SHC3: variants seen among roughly 807,000 people sequenced by gnomAD.
SHC3 encodes SHC-transforming protein 3.
Under a neutral mutation model 60.4 loss-of-function variants are expected in SHC3, and 15 were observed. That is an observed-to-expected ratio of 0.25 (90% confidence interval 0.17 to 0.38). The LOEUF (loss-of-function observed/expected upper bound fraction) is 0.38, where lower values mean the gene tolerates loss of function less well. Among genes scored for constraint, SHC3 ranks in the 10% least tolerant of loss-of-function variants. The probability of loss-of-function intolerance (pLI) is 1.00; values close to 1 mark genes in which losing one functional copy is unlikely to be tolerated. For missense variants in SHC3, 677 were observed against 786.1 expected (o/e 0.86, Z 1.66); for synonymous variants, 294 against 325.9 (o/e 0.90, Z 1.05).
intron 1 of SHC3, among the ~76,000 whole-genome samples, chr9:89,142,012 G>A (rs542876118): frequency 7.9e-5 from 12 of 152,008 alleles, no homozygotes; most frequent in Admixed American, 5.9e-4. Context: ...TCCCCTTTAG[G>A]GAGAAAAAAG....
chr9:89,096,346 G>A (rs1192209065), intron 2 of SHC3, among the ~76,000 whole-genome samples: 1 of 152,150 alleles, frequency 6.6e-6, no homozygotes, highest in Non-Finnish European at 1.5e-5. Context: ...GGAGATCTGT[G>A]CTTTGACTCA....
chr9:89,063,242 G>A (rs9410308), intron 6 of SHC3, among the ~76,000 whole-genome samples: 67,474 of 151,944 alleles, frequency 0.44, 16,853 homozygotes, highest in East Asian at 0.98. Flanking sequence ...CGATTCTTCT[G>A]CCTCAGCCTC....
At chr9:89,060,694 A>G (rs1461172738) in intron 6 of SHC3, among the ~76,000 whole-genome samples, 1 of 152,030 alleles carries the variant, frequency 6.6e-6, no homozygotes, top group Non-Finnish European at 1.5e-5. Flanking sequence ...GAGTGAGCAG[A>G]GAAGGAACAA....
At chr9:89,170,689 GGCCCTCC>G (rs1335116222) in intron 1 of SHC3, among the ~76,000 whole-genome samples, 2 of 151,870 alleles carry the variant, frequency 1.3e-5, no homozygotes, top group Non-Finnish European at 2.9e-5. Context: ...GAATACAGTT[GGCCCTCC>G]AAATTCATGA....
chr9:89,162,640 C>A (rs1454928848), intron 1 of SHC3, among the ~76,000 whole-genome samples: 1 of 151,320 alleles, frequency 6.6e-6, no homozygotes, highest in Non-Finnish European at 1.5e-5. Flanking sequence ...CATAAAAACC[C>A]TAGAAGAAAA....
In SHC3 at chr9:89,011,568, C is replaced by T. The variant is rs1374784306; in HGVS notation, c.*1879G>A. 1 of 152,274 alleles carries T rather than the reference C, an allele frequency of 6.6e-6. No individual in the cohort carries two copies. The highest frequency in any genetic ancestry group is 2.4e-5 in the African/African-American group (1 of 41,468). 9.4% of individuals were successfully genotyped at this position (152,274 alleles called of 1,614,324 possible). A position where few individuals can be genotyped will look rare whatever the true frequency, so the allele number is the denominator to read the frequency against. ...CAGATGTGCAGGGCAGCTCTCAGAGCACCCAAGTCTATGCTGTCTTGGGGC... is the reference window on the plus strand; with the variant it reads ...CAGATGTGCAGGGCAGCTCTCAGAGTACCCAAGTCTATGCTGTCTTGGGGC... On this transcript the variant is annotated 3_prime_UTR_variant, in exon 12 of 12. Transcript: ENST00000375835.
intron 11 of SHC3, among the ~76,000 whole-genome samples, chr9:89,030,981 G>T (rs530720057): frequency 1.1e-3 from 165 of 152,110 alleles, no homozygotes; most frequent in African/African-American, 3.7e-3. Context: ...TATGATCATA[G>T]CTCACTACAG....
Position 89,159,194 on chromosome 9 carries a change from G to A in SHC3, c.474+18793C>T, listed in dbSNP as rs147406168. Among the ~76,000 whole-genome samples, 443 of 152,258 alleles carry A rather than the reference G, an allele frequency of 2.9e-3. 4 individuals carry two copies. The highest frequency in any genetic ancestry group is 9.4e-3 in the African/African-American group (389 of 41,544). On this transcript the variant is annotated intron_variant, in intron 1 of 11. Coordinates refer to ENST00000375835, the MANE Select transcript of SHC3 (RefSeq NM_016848.6). ...TAGACAAAGATTAAATTATCTCTTA[G>A]TCATGTAGGCACATGAACTAAAGAC...
chr9:89,034,993 C>T (rs1189399603), intron 11 of SHC3, among the ~76,000 whole-genome samples: 1 of 152,168 alleles, frequency 6.6e-6, no homozygotes, highest in Non-Finnish European at 1.5e-5. Flanking sequence ...AGAACATGTT[C>T]CATATAAATG....
At chr9:89,082,349 T>A (rs1264602204) in intron 2 of SHC3, among the ~76,000 whole-genome samples, 1 of 152,178 alleles carries the variant, frequency 6.6e-6, no homozygotes, top group Non-Finnish European at 1.5e-5. Context: ...AGCAGAAAGC[T>A]GACTGGGCCA....
At chr9:89,172,375 G>A (rs1826881511) in intron 1 of SHC3, among the ~76,000 whole-genome samples, 1 of 152,170 alleles carries the variant, frequency 6.6e-6, no homozygotes, top group African/African-American at 2.4e-5. Flanking sequence ...GTTGGGAGGG[G>A]AGAGGCAAAA....
At chr9:89,051,585 C>T (rs1243198845) in intron 7 of SHC3, among the ~76,000 whole-genome samples, 2 of 152,344 alleles carry the variant, frequency 1.3e-5, no homozygotes, top group East Asian at 3.9e-4. Context: ...CTGCAAAGGC[C>T]AGCGAAGCCG....
intron 2 of SHC3, among the ~76,000 whole-genome samples, chr9:89,086,243 T>C (rs1825528016): frequency 6.6e-6 from 1 of 152,202 alleles, no homozygotes; most frequent in Admixed American, 6.5e-5. Context: ...CCCAAGACTG[T>C]GCCCCACTTC....
chr9:89,178,349 G>T lies in SHC3; in HGVS notation c.112C>A (p.Arg38Ser), dbSNP rs1196776826. Residue 38 changes from arginine (R) to serine (S), a missense_variant, in exon 1 of 12, where the codon CGC becomes AGC. Arg to Ser is a moderately radical substitution (Grantham distance 110, BLOSUM62 -1). Coordinates refer to ENST00000375835, the MANE Select transcript of SHC3 (RefSeq NM_016848.6). The surrounding 1 kb of genome is among the most constrained non-coding windows in gnomAD (Gnocchi z 6.9). ...SGGGGKVSAARATPAAAPYLV... is the reference protein window; with the variant it reads ...SGGGGKVSAASATPAAAPYLV... Reference sequence around the variant, plus strand: ...TAGGGAGCCGCCGCCGGGGTCGCGCGCGCCGCCGAAACCTTGCCTCCGCCG... The same window carrying T: ...TAGGGAGCCGCCGCCGGGGTCGCGCTCGCCGCCGAAACCTTGCCTCCGCCG... The T allele has an allele frequency of 6.3e-7, 1 of 1,594,398 alleles. No homozygotes were observed. Among genetic ancestry groups the T allele is most frequent in the South Asian group, 1.1e-5 (1 of 88,844 alleles).
At chr9:89,014,112 T>G (rs999676460) in intron 11 of SHC3, among the ~76,000 whole-genome samples, 6 of 152,200 alleles carry the variant, frequency 3.9e-5, no homozygotes, top group Non-Finnish European at 4.4e-5. Flanking sequence ...AGCCTCACAG[T>G]TCCCCAGAGG....
chr9:89,105,948 C>T (rs1415121142), intron 2 of SHC3, among the ~76,000 whole-genome samples: 1 of 152,156 alleles, frequency 6.6e-6, no homozygotes, highest in Non-Finnish European at 1.5e-5. Context: ...AGAATTTTAT[C>T]AGGAGTGAGT....
intron 1 of SHC3, among the ~76,000 whole-genome samples, chr9:89,122,697 G>C (rs1826108493): frequency 1.3e-5 from 2 of 152,178 alleles, no homozygotes; most frequent in Non-Finnish European, 1.5e-5. Context: ...GCCACCTAAG[G>C]GTATGAACCT....
chr9:89,147,670 A>T (rs1465656866), intron 1 of SHC3, among the ~76,000 whole-genome samples: 1 of 152,150 alleles, frequency 6.6e-6, no homozygotes, highest in Non-Finnish European at 1.5e-5. Flanking sequence ...GCCAGTTTGC[A>T]CGATGCCTTT....
intron 2 of SHC3, among the ~76,000 whole-genome samples, chr9:89,101,826 T>C (rs1825786684): frequency 6.6e-6 from 1 of 152,136 alleles, no homozygotes; most frequent in Non-Finnish European, 1.5e-5. Flanking sequence ...GGTTTGGGTA[T>C]CAGGATAATA....
Sources: gnomAD v4.1 joint callset for allele counts (sites outside exome capture counted in the v4.1 genomes callset) on GRCh38, gnomAD v4.1.1 for gene constraint, Gnocchi (gnomAD v3.1) non-coding constraint, MANE v1.5 for transcripts, NCBI Gene and HGNC (gene_info 2026-07-23, HGNC 2026-07-21) for gene names.